The following CCZ1 variants were observed in gnomAD, a reference collection of about 807,000 sequenced individuals.
CCZ1 encodes the protein vacuolar fusion protein CCZ1 homolog.
In CCZ1, 19 loss-of-function variants were observed where a neutral mutation model predicts 57.8. The ratio of observed to expected loss-of-function variants is 0.33; its 90% CI spans 0.23 to 0.48. The LOEUF is 0.48. Among genes scored for constraint, CCZ1 ranks in the 20% least tolerant of loss-of-function variants. The pLI, the probability that CCZ1 is intolerant of heterozygous loss-of-function variation, is 0.99. For synonymous variants in CCZ1, 81 were observed against 167.0 expected (o/e 0.49, Z 3.97); for missense variants, 200 against 492.0 (o/e 0.41, Z 5.61).
intron 10 of CCZ1, among the ~76,000 whole-genome samples, chr7:5,914,317 T>A (rs1779107257): frequency 6.7e-6 from 1 of 148,184 alleles, no homozygotes; most frequent in Admixed American, 6.7e-5. Context: ...TCATGTGTAG[T>A]CCCAGCTACT....
intron 10 of CCZ1, among the ~76,000 whole-genome samples, chr7:5,916,779 G>A (rs1026110892): frequency 4.9e-5 from 7 of 141,834 alleles, no homozygotes; most frequent in Admixed American, 1.4e-4. Flanking sequence ...GGTGCTGTGC[G>A]GGCTTGGGTG....
At position 5,902,928 on chromosome 7, in the gene CCZ1, C is replaced by T. The variant is rs549013125; in HGVS notation, c.522+184C>T. Among the ~76,000 whole-genome samples the T allele has an allele frequency of 5.6e-4, 83 of 148,890 alleles. 4 individuals are homozygous for T. The highest frequency in any genetic ancestry group is 1.6e-3 in the African/African-American group (66 of 40,336). ...ACGCATGAGGCTTGTGCTCTGGAAC[C>T]TTCCCTCCAGCTGTGGTGTAAGGCA... is the stretch of plus-strand genomic sequence containing the variant. On this transcript the variant is annotated intron_variant, in intron 6 of 14. Transcript: ENST00000325974.
intron 6 of CCZ1, among the ~76,000 whole-genome samples, chr7:5,903,356 C>T (rs1781727884): frequency 7.0e-6 from 1 of 143,844 alleles, no homozygotes. Flanking sequence ...TGGTTTCAAG[C>T]GATCTTCCCT....
At chr7:5,916,363 A>T (rs1256060162) in intron 10 of CCZ1, among the ~76,000 whole-genome samples, 1 of 129,474 alleles carries the variant, frequency 7.7e-6, no homozygotes, top group East Asian at 2.7e-4. Context: ...ATTACAGTGG[A>T]AGAATACAGG....
In CCZ1 at chr7:5,912,964, G is replaced by C. The variant is rs1393373620; in HGVS notation, c.954+10G>C. The C allele has an allele frequency of 8.7e-6, 14 of 1,607,502 alleles. No homozygotes were observed. Among genetic ancestry groups the C allele is most frequent in the Non-Finnish European group, 1.0e-5 (12 of 1,177,232 alleles). ...TTTAATCGTTTATAAGGTAACAACT[G>C]TTTTCCTTCCAGCGTTAATGATTGT... On this transcript the variant is annotated intron_variant, in intron 10 of 14. Transcript: ENST00000325974.
intron 12 of CCZ1, among the ~76,000 whole-genome samples, chr7:5,922,903 G>C (rs1339520228): frequency 6.6e-6 from 1 of 150,554 alleles, no homozygotes; most frequent in Non-Finnish European, 1.5e-5. Flanking sequence ...AAGTATCTCA[G>C]ATGTCACGGG....
At chr7:5,911,194 C>T (rs117865686) in intron 8 of CCZ1, among the ~76,000 whole-genome samples, 12 of 149,208 alleles carry the variant, frequency 8.0e-5, no homozygotes, top group South Asian at 2.2e-4. Flanking sequence ...CTTAATTTCC[C>T]GGTTTCCTGC....
At chr7:5,922,809 T>TC in intron 12 of CCZ1, among the ~76,000 whole-genome samples, 1 of 146,546 alleles carries the variant, frequency 6.8e-6, no homozygotes, top group Non-Finnish European at 1.5e-5. Context: ...CACGGGACAC[T>TC]CATTCCCCGC....
At chr7:5,920,171 G>GCTGGGC (rs1260457790) in intron 12 of CCZ1, among the ~76,000 whole-genome samples, 1 of 123,648 alleles carries the variant, frequency 8.1e-6, no homozygotes, top group African/African-American at 3.1e-5. Context: ...GGCAGCTGGG[G>GCTGGGC]CTGGGCCTTC....
At position 5,910,924 on chromosome 7, in the gene CCZ1, C is replaced by T. The variant is rs1171080366; in HGVS notation, c.780+808C>T. ...CTAATTTTTATATTTTTAGTAGAGA[C>T]GGAGTTTCACCATGTTGGCCAGGCT... On this transcript the variant is annotated intron_variant, in intron 8 of 14. Coordinates refer to ENST00000325974, the MANE Select transcript of CCZ1 (RefSeq NM_015622.6). Among the ~76,000 whole-genome samples the T allele has an allele frequency of 6.2e-5, 9 of 145,572 alleles. 2 individuals carry two copies. The highest frequency in any genetic ancestry group is 1.5e-4 in the African/African-American group (6 of 39,012).
chr7:5,902,897 G>A (rs1318770936), intron 6 of CCZ1, among the ~76,000 whole-genome samples, 153 bp downstream of exon 6: 12 of 148,978 alleles, frequency 8.1e-5, no homozygotes, highest in African/African-American at 2.7e-4. Flanking sequence ...CTGGAGCAGC[G>A]AGGAAACGCA....
At chr7:5,908,374 G>T (rs1364816670) in intron 7 of CCZ1, among the ~76,000 whole-genome samples, 2 of 117,718 alleles carry the variant, frequency 1.7e-5, no homozygotes, top group Non-Finnish European at 3.8e-5. Context: ...TTAGTATATT[G>T]CTTTGATTTT....
chr7:5,902,975 G>T lies in CCZ1; in HGVS notation c.522+231G>T, dbSNP rs538890888. Among the ~76,000 whole-genome samples, 8 of 148,352 alleles carry T rather than the reference G, an allele frequency of 5.4e-5. 2 individuals are homozygous for T. The South Asian group carries it at 1.8e-3, about 34-fold the overall frequency. On this transcript the variant is annotated intron_variant, in intron 6 of 14. Coordinates refer to ENST00000325974, the MANE Select transcript of CCZ1 (RefSeq NM_015622.6). The stretch of plus-strand genomic sequence containing the variant: ...GGCAGAGCTTCCTGCGTTTGCCCGG[G>T]GCTCTTAAAGGGTCCTGGAGACATC...
intron 9 of CCZ1, among the ~76,000 whole-genome samples, 191 bp from the exon 10 acceptor site, chr7:5,912,652 A>T (rs1306291139): frequency 6.7e-6 from 1 of 150,254 alleles, no homozygotes; most frequent in Non-Finnish European, 1.5e-5. Context: ...CACCCAGCTC[A>T]GCCTCCCAAA....
At chr7:5,912,474 A>G (rs1031346022) in intron 9 of CCZ1, among the ~76,000 whole-genome samples, 2 of 119,678 alleles carry the variant, frequency 1.7e-5, no homozygotes, top group Non-Finnish European at 3.2e-5. Context: ...ATCTCAGCTC[A>G]CTGCAGCCTC....
At chr7:5,899,374 TGTGTGTGTGG>T (rs753196545) in intron 1 of CCZ1, among the ~76,000 whole-genome samples, 13,126 of 125,874 alleles carry the variant, frequency 0.1, 471 homozygotes, top group Admixed American at 0.21. Context: ...TGTGTGTGTG[TGTGTGTGTGG>T]TTTTTCTGAG....
At chr7:5,899,581 G>C (rs375864096) in intron 1 of CCZ1, among the ~76,000 whole-genome samples, 1 of 91,166 alleles carries the variant, frequency 1.1e-5, no homozygotes, top group African/African-American at 4.2e-5. Flanking sequence ...AACATAGCAA[G>C]ACCCCCAACT....
intron 7 of CCZ1, among the ~76,000 whole-genome samples, chr7:5,906,319 CTTTCT>C (rs1333223739): frequency 9.0e-6 from 1 of 111,460 alleles, no homozygotes; most frequent in East Asian, 5.8e-4. Flanking sequence ...CACTTTCTTT[CTTTCT>C]TTTTTTTTTT....
chr7:5,910,159 A>C, intron 8 of CCZ1, 43 bp downstream of exon 8: 1 of 1,530,598 alleles, frequency 6.5e-7, no homozygotes, highest in Non-Finnish European at 9.0e-7. Context: ...ATGCAGGGGC[A>C]CAGAGAGGGC....
Sources: allele counts gnomAD v4.1 joint callset (sites outside exome capture counted in the v4.1 genomes callset), GRCh38; gene constraint gnomAD v4.1.1; transcripts MANE v1.5; gene names NCBI Gene and HGNC (gene_info 2026-07-23, HGNC 2026-07-21).